The following AFG2A variants were observed in gnomAD, a reference collection of about 807,000 sequenced individuals.
AFG2A encodes AAA ATPase AFG2A, also known as ATPase family gene 2 protein homolog A.
chr4:123,148,191 A>G, the AFG2A span, among the ~76,000 whole-genome samples: 2 of 152,208 alleles, frequency 1.3e-5, no homozygotes, highest in East Asian at 1.9e-4. Flanking sequence ...CTTTACCACT[A>G]TTTAAACATG....
At chr4:122,983,526 T>C in the AFG2A span, among the ~76,000 whole-genome samples, 1 of 152,104 alleles carries the variant, frequency 6.6e-6, no homozygotes, top group Non-Finnish European at 1.5e-5. Flanking sequence ...GTCTTAAGAC[T>C]TTTTTTTATT....
chr4:122,990,747 C>G, the AFG2A span, among the ~76,000 whole-genome samples: 1 of 152,112 alleles, frequency 6.6e-6, no homozygotes, highest in Non-Finnish European at 1.5e-5. Flanking sequence ...TGCCATTGCA[C>G]CTTATTAAAT....
chr4:122,957,876 A>G, the AFG2A span, among the ~76,000 whole-genome samples: 1 of 152,212 alleles, frequency 6.6e-6, no homozygotes, highest in Non-Finnish European at 1.5e-5. Flanking sequence ...ATTTGGAGGC[A>G]ATATTAATGA....
the AFG2A span, among the ~76,000 whole-genome samples, chr4:123,301,315 T>C: frequency 5.3e-5 from 8 of 152,154 alleles, no homozygotes; most frequent in Non-Finnish European, 7.4e-5. Context: ...GTAACAAAGA[T>C]TGCTTTATTA....
the AFG2A span, among the ~76,000 whole-genome samples, chr4:123,177,205 T>C: frequency 6.6e-6 from 1 of 151,000 alleles, no homozygotes; most frequent in Non-Finnish European, 1.5e-5. Context: ...TTTTTTTTTT[T>C]TTTTTTGAGA....
chr4:123,163,966 G>C, the AFG2A span, among the ~76,000 whole-genome samples: 1 of 152,184 alleles, frequency 6.6e-6, no homozygotes, highest in African/African-American at 2.4e-5. Flanking sequence ...CTACCACTTA[G>C]ACCTGGTTTT....
the AFG2A span, among the ~76,000 whole-genome samples, chr4:123,107,654 C>T: frequency 6.6e-6 from 1 of 152,194 alleles, no homozygotes. Flanking sequence ...GCCTGTCTGC[C>T]TTCTGTCACC....
the AFG2A span, among the ~76,000 whole-genome samples, chr4:122,966,471 C>A: frequency 1.1e-4 from 16 of 152,272 alleles, no homozygotes; most frequent in East Asian, 3.1e-3. Flanking sequence ...CTCCTAATCT[C>A]TAAAGTGCTA....
chr4:123,109,255 C>A, the AFG2A span, among the ~76,000 whole-genome samples: 1 of 152,098 alleles, frequency 6.6e-6, no homozygotes, highest in African/African-American at 2.4e-5. Context: ...GAAAATTTAA[C>A]ATTAGAATTA....
At chr4:123,007,448 T>C in the AFG2A span, among the ~76,000 whole-genome samples, 1 of 151,400 alleles carries the variant, frequency 6.6e-6, no homozygotes, top group Admixed American at 6.6e-5. Flanking sequence ...GGTTTTCTCT[T>C]TGTTTGAATC....
At chr4:123,085,017 ATTT>A in the AFG2A span, among the ~76,000 whole-genome samples, 1 of 146,582 alleles carries the variant, frequency 6.8e-6, no homozygotes, top group Admixed American at 6.8e-5. Flanking sequence ...GTATTTTGGA[ATTT>A]TTTTTTTTTA....
At chr4:123,009,594 G>A in the AFG2A span, among the ~76,000 whole-genome samples, 1 of 152,088 alleles carries the variant, frequency 6.6e-6, no homozygotes, top group Non-Finnish European at 1.5e-5. Flanking sequence ...ATTACATGTG[G>A]TCATCATGTT....
At chr4:123,138,042 C>T in the AFG2A span, among the ~76,000 whole-genome samples, 1 of 152,206 alleles carries the variant, frequency 6.6e-6, no homozygotes, top group Non-Finnish European at 1.5e-5. Context: ...CCTTTTAGCC[C>T]ACACTTCTCT....
At chr4:123,239,287 A>G in the AFG2A span, among the ~76,000 whole-genome samples, 1 of 152,230 alleles carries the variant, frequency 6.6e-6, no homozygotes, top group Non-Finnish European at 1.5e-5. Flanking sequence ...AACTTCCCCA[A>G]CATAGCAAGG....
the AFG2A span, among the ~76,000 whole-genome samples, chr4:122,999,717 A>T: frequency 6.6e-6 from 1 of 152,154 alleles, no homozygotes; most frequent in Non-Finnish European, 1.5e-5. Flanking sequence ...GTAGCCTTGT[A>T]GTATTGTTTG....
the AFG2A span, among the ~76,000 whole-genome samples, chr4:123,040,594 G>T: frequency 6.6e-6 from 1 of 152,160 alleles, no homozygotes; most frequent in Non-Finnish European, 1.5e-5. Flanking sequence ...ACGGCTGTGG[G>T]TGTAAACATT....
At chr4:123,243,509 ACAC>A in the AFG2A span, among the ~76,000 whole-genome samples, 1 of 152,044 alleles carries the variant, frequency 6.6e-6, no homozygotes, top group Non-Finnish European at 1.5e-5. Flanking sequence ...AGAAAACCAA[ACAC>A]CACATGTTCT....
the AFG2A span, among the ~76,000 whole-genome samples, chr4:123,239,263 ATAT>A: frequency 6.6e-6 from 1 of 152,228 alleles, no homozygotes; most frequent in Non-Finnish European, 1.5e-5. Context: ...ACTCTTCAGG[ATAT>A]TATCCAGGAG....
chr4:123,189,631 G>A, the AFG2A span, among the ~76,000 whole-genome samples: 1 of 151,960 alleles, frequency 6.6e-6, no homozygotes, highest in Non-Finnish European at 1.5e-5. Context: ...CAGGTTTACT[G>A]TTGTTTGTTT....
Sources: allele counts gnomAD v4.1 joint callset (sites outside exome capture counted in the v4.1 genomes callset), GRCh38; gene constraint gnomAD v4.1.1; transcripts MANE v1.5; gene names NCBI Gene and HGNC (gene_info 2026-07-23, HGNC 2026-07-21).